The following ATAD5 variants were observed in gnomAD, a reference collection of about 807,000 sequenced individuals.
ATAD5 encodes the protein ATPase family AAA domain-containing protein 5.
ATAD5 carries 58 observed loss-of-function variants against 176.9 expected under a neutral mutation model. The observed-to-expected ratio is 0.33, with a 90% CI of 0.27 to 0.41. ATAD5 has a LOEUF of 0.41. Among genes scored for constraint, ATAD5 ranks in the 10% least tolerant of loss-of-function variants. The pLI, the probability that ATAD5 is intolerant of heterozygous loss-of-function variation, is 1.00. For missense variants in ATAD5, 1,789 were observed against 2,094.1 expected, an observed-to-expected ratio of 0.85 and a Z score of 2.84; for synonymous variants, 640 against 712.6, an observed-to-expected ratio of 0.90 and a Z score of 1.62.
intron 10 of ATAD5, among the ~76,000 whole-genome samples, chr17:30,861,434 C>T (rs916637316): frequency 6.6e-6 from 1 of 151,878 alleles, no homozygotes; most frequent in East Asian, 1.9e-4. Context: ...TAAATAGAAC[C>T]TCACGGATTA....
chr17:30,866,473 G>A (rs1907990326), intron 11 of ATAD5, among the ~76,000 whole-genome samples: 1 of 149,362 alleles, frequency 6.7e-6, no homozygotes, highest in African/African-American at 2.4e-5. Context: ...TGGGATTACA[G>A]GTGTGAGCCA....
At chr17:30,860,822 G>A (rs922619653) in intron 10 of ATAD5, among the ~76,000 whole-genome samples, 10 of 151,916 alleles carry the variant, frequency 6.6e-5, no homozygotes, top group South Asian at 2.1e-4. Flanking sequence ...TCACTGCAAC[G>A]TCCCTCCACC....
rs764410411 is a variant in ATAD5 at position 30,868,418 on chromosome 17, T to C, written c.3313+6T>C. On this transcript the variant is annotated splice_donor_region_variant and intron_variant, in intron 12 of 22. Coordinates refer to ENST00000321990, the MANE Select transcript of ATAD5 (RefSeq NM_024857.5). The stretch of plus-strand genomic sequence containing the variant: ...AAGAGATGAGAAACATGAAGGTATT[T>C]TGTGTGTCTTTTTTTTTTTTTTTAC... 3.3e-6 allele frequency: 5 copies of C among 1,532,400 alleles called. No homozygotes were observed. The highest frequency in any genetic ancestry group is 4.4e-6 in the Non-Finnish European group (5 of 1,147,374). 94.9% of individuals were successfully genotyped at this position (1,532,400 alleles called of 1,614,324 possible).
chr17:30,834,742 C>T lies in ATAD5; in HGVS notation c.661C>T (p.Pro221Ser). 1 of 1,613,852 alleles carries T rather than the reference C, an allele frequency of 6.2e-7. No homozygotes were observed. Among genetic ancestry groups the T allele is most frequent in the Non-Finnish European group, 8.5e-7 (1 of 1,179,854 alleles). ...TGTAGTAGATCTATCTGAAAGCTTA[C>T]CCTTGGCAGAGGAACTAAATTTGCT... ...RDVVDLSESLPLAEELNLLKK... is the reference protein window; with the variant it reads ...RDVVDLSESLSLAEELNLLKK... Residue 221 changes from proline to serine, a missense_variant, in exon 2 of 23, where the codon CCC (proline) becomes TCC (serine). Around this residue, in one of 6 missense-constraint regions of ATAD5, gnomAD observed 696 missense variants for 712.5 expected, o/e 0.98. Coordinates refer to ENST00000321990, the MANE Select transcript of ATAD5 (RefSeq NM_024857.5).
At position 30,858,338 on chromosome 17, in the gene ATAD5, T is replaced by C; in HGVS notation, c.2956+15T>C. The C allele has an allele frequency of 2.1e-6, 3 of 1,426,926 alleles. No individual in the cohort carries two copies. Among genetic ancestry groups the C allele is most frequent in the Non-Finnish European group, 1.9e-6 (2 of 1,080,260 alleles). 88.4% of individuals were successfully genotyped at this position (1,426,926 alleles called of 1,614,324 possible). ...TAGTAAACAAGGTTAGTGATAATTA[T>C]TATCATTTATGTTAACATACCAGTT... is the stretch of plus-strand genomic sequence containing the variant. On this transcript the variant is annotated intron_variant, in intron 9 of 22. Coordinates refer to ENST00000321990, the MANE Select transcript of ATAD5 (RefSeq NM_024857.5).
rs774462643 is a variant in ATAD5, at chr17:30,855,260, G to A, written c.2568G>A (p.Ala856=). Residue 856 remains alanine (A), a synonymous_variant, in exon 7 of 23, where the codon GCG becomes GCA. Transcript: ENST00000321990. ...GGCAAATTGCAAAGAAAGCTGCTGC[G>A]CTGGATGTGTACAATGCAGTGAGTA... ...LKRQIAKKAA[A]LDVYNAVSTS... is the part of the protein sequence containing the mutation. 1.6e-5 allele frequency: 26 copies of A among 1,613,988 alleles called. No individual in the cohort carries two copies. The South Asian group carries it at 1.8e-4, about 11-fold the overall frequency.
intron 3 of ATAD5, among the ~76,000 whole-genome samples, chr17:30,840,363 T>C (rs1906031473): frequency 6.6e-6 from 1 of 152,096 alleles, no homozygotes; most frequent in Admixed American, 6.5e-5. Context: ...AAAAAATAGA[T>C]TGCCAAGTCT....
intron 10 of ATAD5, among the ~76,000 whole-genome samples, chr17:30,862,341 A>C (rs1489893172): frequency 6.6e-6 from 1 of 151,672 alleles, no homozygotes; most frequent in African/African-American, 2.4e-5. Flanking sequence ...CTAGGGGGCA[A>C]AAAAAAAGGT....
intron 6 of ATAD5, among the ~76,000 whole-genome samples, chr17:30,850,831 T>TA (rs1906846422): frequency 8.0e-5 from 5 of 62,578 alleles, no homozygotes; most frequent in African/African-American, 2.9e-4. Flanking sequence ...ATTTATATAT[T>TA]TTTATATATA....
chr17:30,875,554 T>C (rs1387905816), intron 14 of ATAD5, among the ~76,000 whole-genome samples: 1 of 152,010 alleles, frequency 6.6e-6, no homozygotes, highest in African/African-American at 2.4e-5. Context: ...CCTAGCACTT[T>C]AGGAGGCTGA....
At chr17:30,892,932 C>A in intron 20 of ATAD5, 144 bp downstream of exon 20, 2 of 714,538 alleles carry the variant, frequency 2.8e-6, no homozygotes, top group Non-Finnish European at 4.3e-6. Context: ...TTAACACATC[C>A]TACCACTTTG....
Position 30,834,153 on chromosome 17 carries a change from C to G in ATAD5, c.72C>G (p.Cys24Trp), listed in dbSNP as rs1905549920. 1.9e-6 allele frequency: 3 copies of G among 1,540,264 alleles called. No individual in the cohort carries two copies. Among genetic ancestry groups the G allele is most frequent in the Non-Finnish European group, 2.6e-6 (3 of 1,149,680 alleles). The change falls in exon 2 of 23, where the codon TGC becomes TGG. Residue 24 changes from cysteine (C) to tryptophan (W), a missense_variant. Cys to Trp is a radical substitution (Grantham distance 215). This residue lies in a region of ATAD5 where 696 missense variants were observed against 712.5 expected (regional missense o/e 0.98). Transcript: ENST00000321990. ...TTTCTCTTTTAAATTGCCAGCCATG[C>G]AAAAAGCGAAAGAAAGATGATGACA... The part of the protein sequence containing the change: ...PPVKDCEIEP[C>W]KKRKKDDDTS...
chr17:30,850,231 C>T (rs530467678), intron 6 of ATAD5, among the ~76,000 whole-genome samples: 1 of 151,844 alleles, frequency 6.6e-6, no homozygotes, highest in Non-Finnish European at 1.5e-5. Flanking sequence ...TACTGTAGAA[C>T]ACTAGAAGTT....
In ATAD5 at chr17:30,843,963, G is replaced by C; in HGVS notation, c.2292G>C (p.Glu764Asp). The C allele has an allele frequency of 6.5e-7, 1 of 1,534,300 alleles. No individual in the cohort carries two copies. The highest frequency in any genetic ancestry group is 8.8e-7 in the Non-Finnish European group (1 of 1,130,256). ...GTCCTACTGCTTTAAAGCATCCAGAGAAAAATCAGAAGAAACTTCAGTGTT... is the reference window on the plus strand; with the variant it reads ...GTCCTACTGCTTTAAAGCATCCAGACAAAAATCAGAAGAAACTTCAGTGTT... Reference protein sequence around the residue: ...DSSPTALKHPEKNQKKLQCLN... With the variant: ...DSSPTALKHPDKNQKKLQCLN... Residue 764 changes from glutamate to aspartate, a missense_variant, in exon 5 of 23, where the codon GAG becomes GAC. Physicochemically the swap from Glu to Asp is conservative, Grantham distance 45. Around this residue, in one of 6 missense-constraint regions of ATAD5, gnomAD observed 487 missense variants for 573.6 expected, o/e 0.85. Transcript: ENST00000321990.
At position 30,834,690 on chromosome 17, in the gene ATAD5, A is replaced by C. The variant is rs1905596579; in HGVS notation, c.609A>C (p.Lys203Asn). 1 of 1,609,766 alleles carries C rather than the reference A, an allele frequency of 6.2e-7. No homozygotes were observed. Among genetic ancestry groups the C allele is most frequent in the African/African-American group, 1.3e-5 (1 of 74,608 alleles). The stretch of plus-strand genomic sequence containing the variant: ...AAGGGACCACAAAAAATGACTTCAA[A>C]AAGTTGAGAAAAAGGAAATGCAGAG... Reference protein sequence around the residue: ...PKQGTTKNDFKKLRKRKCRDV... With the variant: ...PKQGTTKNDFNKLRKRKCRDV... Residue 203 changes from lysine to asparagine, a missense_variant, in exon 2 of 23, where the codon AAA (lysine) becomes AAC (asparagine). Physicochemically the swap from Lys to Asn is moderately conservative, Grantham distance 94. Around this residue, in one of 6 missense-constraint regions of ATAD5, gnomAD observed 696 missense variants for 712.5 expected, o/e 0.98. Coordinates refer to ENST00000321990, the MANE Select transcript of ATAD5 (RefSeq NM_024857.5).
chr17:30,858,386 A>G (rs1284882894), intron 9 of ATAD5, 63 bp downstream of exon 9: 6 of 1,130,030 alleles, frequency 5.3e-6, no homozygotes, highest in Non-Finnish European at 6.9e-6. Flanking sequence ...ATTATTTATT[A>G]TTTTATTTTT....
chr17:30,859,524 T>A (rs530534536), intron 9 of ATAD5, among the ~76,000 whole-genome samples: 1 of 152,164 alleles, frequency 6.6e-6, no homozygotes, highest in Admixed American at 6.5e-5. Flanking sequence ...CATGCCTTTC[T>A]AATTTTTGTA....
intron 1 of ATAD5, 115 bp from the exon 2 acceptor site, chr17:30,834,033 A>T: frequency 1.1e-6 from 1 of 924,944 alleles, no homozygotes; most frequent in Non-Finnish European, 1.5e-6. Context: ...TTTTTCACCT[A>T]AAGGAGGCTT....
chr17:30,867,449 A>T (rs1208818110), intron 11 of ATAD5, among the ~76,000 whole-genome samples: 1 of 152,186 alleles, frequency 6.6e-6, no homozygotes, highest in Non-Finnish European at 1.5e-5. Flanking sequence ...TAGATGAAGA[A>T]ACCAAGGCCT....
Sources: gnomAD v4.1 joint callset for allele counts (sites outside exome capture counted in the v4.1 genomes callset) on GRCh38, gnomAD v4.1.1 for gene constraint, gnomAD v4.1.1 regional missense constraint, MANE v1.5 for transcripts, NCBI Gene and HGNC (gene_info 2026-07-23, HGNC 2026-07-21) for gene names.